The following CTC1 variants were observed in gnomAD, a reference collection of about 807,000 sequenced individuals.
CTC1 encodes CST telomere replication complex component 1, also known as CST complex subunit CTC1.
A neutral mutation model predicts 136.3 loss-of-function variants in CTC1; 91 were observed. The observed-to-expected ratio is 0.67, with a 90% CI of 0.56 to 0.79. The LOEUF (loss-of-function observed/expected upper bound fraction) is 0.79, where lower values mean the gene tolerates loss of function less well. Among genes scored for constraint, CTC1 ranks in the 30% least tolerant of loss-of-function variants. The probability of loss-of-function intolerance (pLI) is 0.00; values close to 1 mark genes in which losing one functional copy is unlikely to be tolerated. For missense variants in CTC1, 1,432 were observed against 1,498.1 expected, an observed-to-expected ratio of 0.96 and a Z score of 0.73; for synonymous variants, 606 against 613.8, an observed-to-expected ratio of 0.99 and a Z score of 0.19.
In CTC1 at chr17:8,238,436, C is replaced by G. The variant is rs200137992; in HGVS notation, c.391G>C (p.Gly131Arg). ...SADLEQECRN[G>R]SLYVRDNTGV... is the part of the protein sequence containing the mutation. The stretch of plus-strand genomic sequence containing the variant: ...GTGTTATCTCTCACATAGAGGCTTC[C>G]GTTCCTGCACTCTTGTTCCAAGTCT... The change falls in exon 3 of 23, where the codon GGA becomes CGA. Residue 131 changes from glycine to arginine, a missense_variant. Transcript: ENST00000651323. 6.8e-6 allele frequency: 11 copies of G among 1,614,072 alleles called. No individual in the cohort carries two copies. The highest frequency in any genetic ancestry group is 2.2e-5 in the East Asian group (1 of 44,896).
intron 11 of CTC1, 174 bp downstream of exon 11, chr17:8,232,732 G>C (rs904210732): frequency 2.4e-6 from 2 of 841,496 alleles, no homozygotes; most frequent in African/African-American, 1.7e-5. Flanking sequence ...ATTCTGGCTA[G>C]GGGTCCTCTT....
rs911603006 is a variant in CTC1, at chr17:8,227,062, G to C, written c.*1118C>G. ...ACGCTCTAACCAACTGAGCTAACCG[G>C]CCACTAACTTTCCGGGTCTACTTCA... On this transcript the variant is annotated 3_prime_UTR_variant, in exon 23 of 23. Coordinates refer to ENST00000651323, the MANE Select transcript of CTC1 (RefSeq NM_025099.6). 2.7e-5 allele frequency: 4 copies of C among 150,870 alleles called. No individual in the cohort carries two copies. The highest frequency in any genetic ancestry group is 1.0e-4 in the African/African-American group (4 of 40,016). The allele number at this position is 150,870 out of a possible 1,614,324, so 9.3% of individuals were successfully genotyped here.
intron 4 of CTC1, 61 bp from the exon 5 acceptor site, chr17:8,237,580 A>AGG: frequency 6.9e-7 from 1 of 1,455,304 alleles, no homozygotes; most frequent in Middle Eastern, 1.8e-4. Flanking sequence ...GAGGAGAATC[A>AGG]CTTGAACCTG....
At position 8,231,777 on chromosome 17, in the gene CTC1, A is replaced by G. The variant is rs1378130899; in HGVS notation, c.2424T>C (p.Phe808=). ...ACACCTGTCCCGGGTGCAAGAACTC[A>G]AACCAGCGGACTGAAGAGCCAAAGA... ...LIFFGSSVRW[F]EFLHPGQVYR... The change falls in exon 14 of 23, where the codon TTT becomes TTC. Residue 808 remains phenylalanine, a synonymous_variant. Transcript: ENST00000651323. The G allele has an allele frequency of 1.9e-6, 3 of 1,614,096 alleles. No homozygotes were observed. In the African/African-American group the frequency reaches 4.0e-5, roughly 22 times the overall value.
chr17:8,227,027 T>C lies in CTC1; in HGVS notation c.*1153A>G, dbSNP rs1986768665. On this transcript the variant is annotated 3_prime_UTR_variant, in exon 23 of 23. Transcript: ENST00000651323. The stretch of plus-strand genomic sequence containing the variant: ...GGGTTCGAACCCGCGACCTTGGCGT[T>C]ATTAGCACCACGCTCTAACCAACTG... 6.6e-6 allele frequency: 1 copy of C among 152,612 alleles called. No homozygotes were observed. The highest frequency in any genetic ancestry group is 6.5e-5 in the Admixed American group (1 of 15,282). 9.5% of individuals were successfully genotyped at this position (152,612 alleles called of 1,614,324 possible).
rs886053606 is a variant in CTC1, at chr17:8,227,894, C to T, written c.*286G>A. 3 of 334,672 alleles carry T rather than the reference C, an allele frequency of 9.0e-6. No individual in the cohort carries two copies. Among genetic ancestry groups the T allele is most frequent in the Non-Finnish European group, 1.7e-5 (3 of 177,664 alleles). The allele number at this position is 334,672 out of a possible 1,614,324, so 20.7% of individuals were successfully genotyped here. A position where few individuals can be genotyped will look rare whatever the true frequency, so the allele number is the denominator to read the frequency against. The stretch of plus-strand genomic sequence containing the variant: ...CCACAGCGAGCAAGTCTTTTGTTCC[C>T]TCAGCTCCTGCGACAAAGTCAGAAC... On this transcript the variant is annotated 3_prime_UTR_variant, in exon 23 of 23. Coordinates refer to ENST00000651323, the MANE Select transcript of CTC1 (RefSeq NM_025099.6).
intron 2 of CTC1, among the ~76,000 whole-genome samples, chr17:8,242,256 C>A (rs898594240): frequency 2.0e-5 from 3 of 152,002 alleles, no homozygotes; most frequent in African/African-American, 7.3e-5. Flanking sequence ...TGACCTCGAA[C>A]TGCCGACCTC....
chr17:8,225,767 G>T lies in CTC1; in HGVS notation c.*2413C>A, dbSNP rs1986580995. 6.6e-6 allele frequency: 1 copy of T among 151,984 alleles called. No individual in the cohort carries two copies. The highest frequency in any genetic ancestry group is 6.6e-5 in the Admixed American group (1 of 15,260). The allele number at this position is 151,984 out of a possible 1,614,324, so 9.4% of individuals were successfully genotyped here. On this transcript the variant is annotated 3_prime_UTR_variant, in exon 23 of 23. Coordinates refer to ENST00000651323, the MANE Select transcript of CTC1 (RefSeq NM_025099.6). ...CAAGTGAAAGACCAGTTAGAGGACC[G>T]CATCTGGAAGCTGTGCCAAATTTTA...
At chr17:8,229,101 A>C (rs777533914) in intron 20 of CTC1, 41 bp downstream of exon 20, 1 of 1,600,404 alleles carries the variant, frequency 6.2e-7, no homozygotes, top group Non-Finnish European at 8.5e-7. Flanking sequence ...AAGTGGTCTC[A>C]TAAGTAAATG....
chr17:8,229,845 C>T, intron 18 of CTC1, 46 bp downstream of exon 18: 1 of 1,478,304 alleles, frequency 6.8e-7, no homozygotes, highest in Non-Finnish European at 9.5e-7. Flanking sequence ...GTGGGAGATG[C>T]AGATGTGAAG....
Position 8,228,788 on chromosome 17 carries a change from T to C in CTC1, c.3326A>G (p.Asp1109Gly), listed in dbSNP as rs202226502. The C allele has an allele frequency of 5.1e-5, 82 of 1,613,930 alleles. No individual in the cohort carries two copies. Among genetic ancestry groups the C allele is most frequent in the Middle Eastern group, 1.6e-4 (1 of 6,084 alleles). Residue 1109 changes from aspartate (D) to glycine (G), a missense_variant, in exon 21 of 23, where the codon GAT becomes GGT. Physicochemically the swap from Asp to Gly is moderately conservative, Grantham distance 94. Coordinates refer to ENST00000651323, the MANE Select transcript of CTC1 (RefSeq NM_025099.6). ...CACTCTGCCTGGCACTTGGACGAAA[T>C]CTAGGAGGGAGGCCCACTCTCTAGG... Reference protein sequence around the residue: ...LCPREWASLLDFVQVPGRVVL... With the variant: ...LCPREWASLLGFVQVPGRVVL...
chr17:8,243,246 G>T, intron 1 of CTC1, 98 bp from the exon 2 acceptor site: 1 of 1,195,160 alleles, frequency 8.4e-7, no homozygotes, highest in Non-Finnish European at 1.2e-6. Context: ...CGGGCCGGGT[G>T]CGGTGGCTCA....
rs377705825 is a variant in CTC1 at position 8,235,953 on chromosome 17, C to G, written c.1084G>C (p.Val362Leu). ...YSRLLSYSGA[V>L]TGVLNEPAGL... Reference sequence around the variant, plus strand: ...GCGGGCTCATTCAACACGCCAGTGACTGCTCCCTGCAAACAGGCCGAGGTC... The same window carrying G: ...GCGGGCTCATTCAACACGCCAGTGAGTGCTCCCTGCAAACAGGCCGAGGTC... Residue 362 changes from valine (V) to leucine (L), a missense_variant, in exon 7 of 23, where the codon GTC (valine) becomes CTC (leucine). Transcript: ENST00000651323. 10 of 1,605,818 alleles carry G rather than the reference C, an allele frequency of 6.2e-6. No homozygotes were observed. The highest frequency in any genetic ancestry group is 8.5e-6 in the Non-Finnish European group (10 of 1,173,510).
rs886053607 is a variant in CTC1 at position 8,227,962 on chromosome 17, A to C, written c.*218T>G. On this transcript the variant is annotated 3_prime_UTR_variant, in exon 23 of 23. Coordinates refer to ENST00000651323, the MANE Select transcript of CTC1 (RefSeq NM_025099.6). ...CCTGTGAATGCAGGTGCCTTGTCCCAATCAGAGGACATATTAATAGGGCCA... is the reference window on the plus strand; with the variant it reads ...CCTGTGAATGCAGGTGCCTTGTCCCCATCAGAGGACATATTAATAGGGCCA... 1.7e-4 allele frequency: 91 copies of C among 523,452 alleles called. 1 individual carries two copies. The highest frequency in any genetic ancestry group is 1.6e-3 in the Middle Eastern group (3 of 1,902). The allele number at this position is 523,452 out of a possible 1,614,324, so 32.4% of individuals were successfully genotyped here. A position where few individuals can be genotyped will look rare whatever the true frequency, so the allele number is the denominator to read the frequency against.
rs1360180356 is a variant in CTC1, at chr17:8,226,239, A to G, written c.*1941T>C. ...CACGCTGTTTCAATTGAATAAAGGC[A>G]CCGCTGGGATTCGAACCCAGGATCT... On this transcript the variant is annotated 3_prime_UTR_variant, in exon 23 of 23. Transcript: ENST00000651323. 1.3e-5 allele frequency: 2 copies of G among 152,296 alleles called. No individual in the cohort carries two copies. Among genetic ancestry groups the G allele is most frequent in the Non-Finnish European group, 2.9e-5 (2 of 68,040 alleles). The allele number at this position is 152,296 out of a possible 1,614,324, so 9.4% of individuals were successfully genotyped here. A position where few individuals can be genotyped will look rare whatever the true frequency, so the allele number is the denominator to read the frequency against.
chr17:8,232,477 T>C lies in CTC1; in HGVS notation c.1946-2A>G. On this transcript the variant is annotated splice_acceptor_variant, in intron 11 of 22. Transcript: ENST00000651323. LOFTEE classifies it high-confidence loss of function. ...ACCTCTCTGCCCGCACCAGGCAGCCTAGAGGAAGAAAGTTTTCTGTTTTGA... is the reference window on the plus strand; with the variant it reads ...ACCTCTCTGCCCGCACCAGGCAGCCCAGAGGAAGAAAGTTTTCTGTTTTGA... The C allele has an allele frequency of 1.9e-6, 3 of 1,611,856 alleles. No homozygotes were observed. Among genetic ancestry groups the C allele is most frequent in the Non-Finnish European group, 2.5e-6 (3 of 1,178,766 alleles).
intron 14 of CTC1, 45 bp from the exon 15 acceptor site, chr17:8,231,514 C>A: frequency 6.5e-7 from 1 of 1,532,996 alleles, no homozygotes; most frequent in African/African-American, 1.4e-5. Flanking sequence ...GTGTGCTAGT[C>A]CAGTGGGAGG....
chr17:8,228,405 T>C (rs1383865315), intron 22 of CTC1, 86 bp from the exon 23 acceptor site: 12 of 1,607,876 alleles, frequency 7.5e-6, no homozygotes, highest in Non-Finnish European at 9.4e-6. Context: ...ACTCCAGAAA[T>C]TCCCCATCAG....
intron 2 of CTC1, 49 bp downstream of exon 2, chr17:8,242,936 A>C: frequency 2.0e-6 from 3 of 1,532,662 alleles, no homozygotes; most frequent in Non-Finnish European, 2.6e-6. Context: ...TCAATCCTGA[A>C]TTCAATACCT....
Sources: allele counts gnomAD v4.1 joint callset (sites outside exome capture counted in the v4.1 genomes callset), GRCh38; gene constraint gnomAD v4.1.1; transcripts MANE v1.5; gene names NCBI Gene and HGNC (gene_info 2026-07-23, HGNC 2026-07-21).